GNPTAB: variants seen among roughly 807,000 people sequenced by gnomAD.
The protein encoded by GNPTAB is N-acetylglucosamine-1-phosphotransferase subunits alpha/beta.
GNPTAB carries 92 observed loss-of-function variants against 136.6 expected under a neutral mutation model. The observed-to-expected ratio is 0.67, with a 90% CI of 0.57 to 0.80. The LOEUF (loss-of-function observed/expected upper bound fraction) is 0.80, where lower values mean the gene tolerates loss of function less well. Ranked by LOEUF, GNPTAB falls within the 30% of genes least tolerant of loss-of-function variation. The pLI, the probability that GNPTAB is intolerant of heterozygous loss-of-function variation, is 0.00. For missense variants in GNPTAB, 1,343 were observed against 1,501.8 expected (o/e 0.89, Z 1.75); for synonymous variants, 512 against 535.1 (o/e 0.96, Z 0.60).
intron 18 of GNPTAB, among the ~76,000 whole-genome samples, chr12:101,754,865 G>A (rs1952878533): frequency 6.6e-6 from 1 of 152,138 alleles, no homozygotes; most frequent in Non-Finnish European, 1.5e-5. Context: ...GTGTAAGATA[G>A]CTATAGAATC....
At chr12:101,779,134 C>T (rs1488944803) in intron 7 of GNPTAB, 1 of 152,108 alleles carries the variant, frequency 6.6e-6, no homozygotes. Flanking sequence ...CTAATCACAG[C>T]TCCCCCACCA....
rs775153910 is a variant in GNPTAB at position 101,771,057 on chromosome 12, T to C, written c.872A>G (p.Asp291Gly). 5 of 1,614,036 alleles carry C rather than the reference T, an allele frequency of 3.1e-6. No homozygotes were observed. The highest frequency in any genetic ancestry group is 4.2e-6 in the Non-Finnish European group (5 of 1,179,880). ...AGGACTTATGGTCAGTTCTTTTCCATCAATGGTCATGTTCTTCTTAGTTTG... is the reference window on the plus strand; with the variant it reads ...AGGACTTATGGTCAGTTCTTTTCCACCAATGGTCATGTTCTTCTTAGTTTG... Reference protein sequence around the residue: ...NKQTKKNMTIDGKELTISPAY... With the variant: ...NKQTKKNMTIGGKELTISPAY... The change falls in exon 8 of 21, where the codon GAT becomes GGT. Residue 291 changes from aspartate to glycine, a missense_variant. Transcript: ENST00000299314.
chr12:101,801,231 C>CAAAAAAA lies in GNPTAB; in HGVS notation c.118-4476_118-4470dup, dbSNP rs35036983. ...TAGGTGACAGAACGAGACCCTGTCT[C>CAAAAAAA]AAAAAAAAAAAAAAAAAAAAAAAAA... On this transcript the variant is annotated intron_variant, in intron 1 of 20. Coordinates refer to ENST00000299314, the MANE Select transcript of GNPTAB (RefSeq NM_024312.5). Among the ~76,000 whole-genome samples the CAAAAAAA allele has an allele frequency of 1.3e-3, 16 of 12,754 alleles. 4 individuals carry two copies. The highest frequency in any genetic ancestry group is 3.8e-3 in the African/African-American group (12 of 3,134). The allele number at this position is 12,754 out of a possible 152,430, so 8.4% of individuals were successfully genotyped here. A position where few individuals can be genotyped will look rare whatever the true frequency, so the allele number is the denominator to read the frequency against.
chr12:101,811,911 T>C (rs1594255198), intron 1 of GNPTAB, among the ~76,000 whole-genome samples: 1 of 146,706 alleles, frequency 6.8e-6, no homozygotes, highest in South Asian at 2.3e-4. Flanking sequence ...AGTGCTGGGA[T>C]TACAGGCTGA....
At chr12:101,788,939 A>C (rs1868827525) in intron 3 of GNPTAB, among the ~76,000 whole-genome samples, 1 of 152,256 alleles carries the variant, frequency 6.6e-6, no homozygotes, top group Admixed American at 6.5e-5. Flanking sequence ...ACTTTCCCAG[A>C]TAAAGTAAAT....
At position 101,746,393 on chromosome 12, in the gene GNPTAB, C is replaced by T. The variant is rs1268410884; in HGVS notation, c.*771G>A. The T allele has an allele frequency of 6.6e-6, 1 of 152,242 alleles. No homozygotes were observed. Among genetic ancestry groups the T allele is most frequent in the Non-Finnish European group, 1.5e-5 (1 of 68,062 alleles). The allele number at this position is 152,242 out of a possible 1,614,324, so 9.4% of individuals were successfully genotyped here. A position where few individuals can be genotyped will look rare whatever the true frequency, so the allele number is the denominator to read the frequency against. ...CACTACTCATTTCTAAAATGAGGCA[C>T]TTCTGTTTGAATATGTACATTTCCA... On this transcript the variant is annotated 3_prime_UTR_variant, in exon 21 of 21. Transcript: ENST00000299314.
At chr12:101,802,012 A>T (rs1694551662) in intron 1 of GNPTAB, among the ~76,000 whole-genome samples, 1 of 152,048 alleles carries the variant, frequency 6.6e-6, no homozygotes, top group Non-Finnish European at 1.5e-5. Flanking sequence ...ACAAACTGAG[A>T]TCCTGTCTCA....
Position 101,764,551 on chromosome 12 carries a change from G to C in GNPTAB, c.2366C>G (p.Thr789Ser). 1 of 1,613,406 alleles carries C rather than the reference G, an allele frequency of 6.2e-7. No individual in the cohort carries two copies. Among genetic ancestry groups the C allele is most frequent in the Non-Finnish European group, 8.5e-7 (1 of 1,179,830 alleles). Residue 789 changes from threonine to serine, a missense_variant, in exon 13 of 21, where the codon ACT (threonine) becomes AGT (serine). By Grantham distance (58) the Thr-to-Ser change is moderately conservative. Transcript: ENST00000299314. ...CACTTTTACACTCACTGCAGGAAAAGTCAACCTCTGCAATCTTTCAGACAC... is the reference window on the plus strand; with the variant it reads ...CACTTTTACACTCACTGCAGGAAAACTCAACCTCTGCAATCTTTCAGACAC... ...LGVSERLQRL[T>S]FPAVSVKVNG... is the part of the protein sequence containing the mutation.
chr12:101,799,766 A>G (rs532846700), intron 1 of GNPTAB, among the ~76,000 whole-genome samples: 18 of 147,536 alleles, frequency 1.2e-4, no homozygotes, highest in African/African-American at 4.2e-4. Context: ...GACAATGCCC[A>G]TGGCCACCCA....
chr12:101,824,686 C>T (rs778443678), intron 1 of GNPTAB, among the ~76,000 whole-genome samples: 1 of 151,674 alleles, frequency 6.6e-6, no homozygotes, highest in East Asian at 1.9e-4. Context: ...AGGCTGCTTT[C>T]GAACTCGCCT....
intron 7 of GNPTAB, among the ~76,000 whole-genome samples, chr12:101,771,676 C>A (rs1953178984): frequency 6.6e-6 from 1 of 152,178 alleles, no homozygotes; most frequent in South Asian, 2.1e-4. Context: ...AAGGCAGTGG[C>A]AAACTGGACA....
intron 1 of GNPTAB, among the ~76,000 whole-genome samples, chr12:101,817,302 C>T (rs575356966): frequency 1.8e-3 from 246 of 135,338 alleles, no homozygotes; most frequent in African/African-American, 6.4e-3. Flanking sequence ...CAGGGTCTCA[C>T]TCTGTCACCC....
intron 19 of GNPTAB, among the ~76,000 whole-genome samples, chr12:101,751,035 C>G (rs1952808867): frequency 6.6e-6 from 1 of 152,180 alleles, no homozygotes; most frequent in South Asian, 2.1e-4. Flanking sequence ...AACCTCCCCA[C>G]TAATACTAGT....
Position 101,766,149 on chromosome 12 carries a change from G to A in GNPTAB, c.1554C>T (p.Phe518=). 6.2e-7 allele frequency: 1 copy of A among 1,614,120 alleles called. No individual in the cohort carries two copies. The highest frequency in any genetic ancestry group is 8.5e-7 in the Non-Finnish European group (1 of 1,180,012). The part of the protein sequence containing the change: ...GCANSWLADK[F]CDQACNVLSC... ...ACAAGACATTGCATGCTTGGTCACA[G>A]AACTTATCAGCGAGCCAGGAATTCG... Residue 518 remains phenylalanine, a synonymous_variant, in exon 12 of 21, where the codon TTC becomes TTT. Transcript: ENST00000299314.
At position 101,801,684 on chromosome 12, in the gene GNPTAB, G is replaced by A. The variant is rs748984878; in HGVS notation, c.118-4922C>T. 3.3e-5 allele frequency among the ~76,000 whole-genome samples: 5 copies of A among 150,832 alleles called. No homozygotes were observed. The South Asian group carries it at 8.4e-4, about 25-fold the overall frequency. On this transcript the variant is annotated intron_variant, in intron 1 of 20. Coordinates refer to ENST00000299314, the MANE Select transcript of GNPTAB (RefSeq NM_024312.5). ...CTATTCTCCTCTCTTTCTCTGGCCC[G>A]CCAAAATCTGTCCCTTTAAAGTTAA...
At position 101,801,231 on chromosome 12, in the gene GNPTAB, C is replaced by CAAAAAAAAAA. The variant is rs35036983; in HGVS notation, c.118-4479_118-4470dup. ...TAGGTGACAGAACGAGACCCTGTCTCAAAAAAAAAAAAAAAAAAAAAAAAA... is the reference window on the plus strand; with the variant it reads ...TAGGTGACAGAACGAGACCCTGTCTCAAAAAAAAAAAAAAAAAAAAAAAAAAAAAAAAAAA... On this transcript the variant is annotated intron_variant, in intron 1 of 20. Transcript: ENST00000299314. Among the ~76,000 whole-genome samples the CAAAAAAAAAA allele has an allele frequency of 1.6e-4, 2 of 12,754 alleles. 1 individual carries two copies. The highest frequency in any genetic ancestry group is 6.4e-4 in the African/African-American group (2 of 3,134). 8.4% of individuals were successfully genotyped at this position (12,754 alleles called of 152,430 possible).
At chr12:101,780,948 A>C (rs1051336451) in intron 5 of GNPTAB, among the ~76,000 whole-genome samples, 14 of 152,230 alleles carry the variant, frequency 9.2e-5, no homozygotes, top group African/African-American at 3.4e-4. Context: ...GACAGGGGGA[A>C]AAAGAAAGAA....
In GNPTAB at chr12:101,780,164, A is replaced by G. The variant is rs1291004382; in HGVS notation, c.759T>C (p.Ser253=). ...TCTATGTTCTTACCAGTTTGACTTT[A>G]GAGGAAAGATTTTCTGGCAATTTTG... ...LKTKLPENLS[S]KVKLLQLYSE... is the part of the protein sequence containing the mutation. Residue 253 remains serine, a synonymous_variant, in exon 7 of 21, where the codon TCT becomes TCC. Transcript: ENST00000299314. 2.5e-6 allele frequency: 4 copies of G among 1,613,376 alleles called. No individual in the cohort carries two copies. In the Admixed American group the frequency reaches 6.7e-5, roughly 27 times the overall value.
chr12:101,779,920 C>A (rs1953315236), intron 7 of GNPTAB: 4 of 554,926 alleles, frequency 7.2e-6, no homozygotes, highest in African/African-American at 5.7e-5. Flanking sequence ...AGGAGCTCAT[C>A]TGTTAAACAA....
Sources: gnomAD v4.1 joint callset for allele counts (sites outside exome capture counted in the v4.1 genomes callset) on GRCh38, gnomAD v4.1.1 for gene constraint, MANE v1.5 for transcripts, NCBI Gene and HGNC (gene_info 2026-07-23, HGNC 2026-07-21) for gene names.